RIMBP2: variants seen among roughly 807,000 people sequenced by gnomAD.
RIMBP2 encodes the protein RIMS-binding protein 2.
A neutral mutation model predicts 118.6 loss-of-function variants in RIMBP2; 48 were observed. The observed-to-expected ratio is 0.40, with a 90% CI of 0.32 to 0.51. RIMBP2 has a LOEUF of 0.51. RIMBP2 is among the 20% of genes least tolerant of loss of function. The pLI is 0.41. For missense variants in RIMBP2, 1,551 were observed against 1,768.3 expected (o/e 0.88, Z 2.20); for synonymous variants, 762 against 742.9 (o/e 1.03, Z -0.42).
chr12:130,500,373 G>A (rs574649532), intron 4 of RIMBP2, among the ~76,000 whole-genome samples: 20 of 152,290 alleles, frequency 1.3e-4, no homozygotes, highest in African/African-American at 2.9e-4. Context: ...CAGGAGTATC[G>A]CTTGAACCTG....
intron 2 of RIMBP2, among the ~76,000 whole-genome samples, chr12:130,536,151 T>C (rs1478165371): frequency 6.6e-6 from 1 of 151,962 alleles, no homozygotes; most frequent in Non-Finnish European, 1.5e-5. Flanking sequence ...GGCATTTAAG[T>C]AATAGTGTGG....
At chr12:130,543,425 A>T (rs966628113) in intron 2 of RIMBP2, among the ~76,000 whole-genome samples, 1 of 152,208 alleles carries the variant, frequency 6.6e-6, no homozygotes, top group Admixed American at 6.5e-5. Context: ...GGGAGTTGTC[A>T]TTCTAGTTCA....
chr12:130,442,752 A>T lies in RIMBP2; in HGVS notation c.692-92T>A, dbSNP rs2078233487. ...CTCCCACCTCCCCCACCAGGACCAT[A>T]AGGCAGAGCAACAGGGTTGCCCTGG... is the stretch of plus-strand genomic sequence containing the variant. On this transcript the variant is annotated intron_variant, in intron 10 of 22. Coordinates refer to ENST00000690449, the MANE Select transcript of RIMBP2 (RefSeq NM_001393629.1). The surrounding 1 kb of genome is among the most constrained non-coding windows in gnomAD (Gnocchi z 6.9). The T allele has an allele frequency of 6.4e-6, 7 of 1,089,460 alleles. No individual in the cohort carries two copies. Among genetic ancestry groups the T allele is most frequent in the Non-Finnish European group, 9.2e-6 (7 of 761,128 alleles). The allele number at this position is 1,089,460 out of a possible 1,614,324, so 67.5% of individuals were successfully genotyped here.
At chr12:130,656,376 C>T (rs1015376643) in intron 1 of RIMBP2, among the ~76,000 whole-genome samples, 3 of 152,302 alleles carry the variant, frequency 2.0e-5, no homozygotes, top group African/African-American at 4.8e-5. Context: ...CTCCTGACAG[C>T]GTCATACAGA....
chr12:130,583,462 C>T (rs1364460335), intron 2 of RIMBP2, among the ~76,000 whole-genome samples: 1 of 126,378 alleles, frequency 7.9e-6, no homozygotes, highest in Non-Finnish European at 1.8e-5. Flanking sequence ...ACTATCATGA[C>T]CATTACATCA....
At chr12:130,522,194 A>G (rs2052205194) in intron 2 of RIMBP2, among the ~76,000 whole-genome samples, 1 of 152,258 alleles carries the variant, frequency 6.6e-6, no homozygotes, top group African/African-American at 2.4e-5. Flanking sequence ...GAATAGCCTT[A>G]TTTGATTTTC....
rs1211216342 is a variant in RIMBP2 at position 130,623,151 on chromosome 12, TC to T, written c.-217+5170del. ...ACTATTAAAGACTGAGGTAATTCCATCCTGCATTATTGAATTTAAAAAGCAT... is the reference window on the plus strand; with the variant it reads ...ACTATTAAAGACTGAGGTAATTCCATCTGCATTATTGAATTTAAAAAGCAT... On this transcript the variant is annotated intron_variant, in intron 2 of 22. Coordinates refer to ENST00000690449, the MANE Select transcript of RIMBP2 (RefSeq NM_001393629.1). This position sits in a 1 kb window ranked among gnomAD's most constrained non-coding sequence, Gnocchi z 4.1. 6.6e-6 allele frequency among the ~76,000 whole-genome samples: 1 copy of T among 152,244 alleles called. No individual in the cohort carries two copies. The highest frequency in any genetic ancestry group is 1.5e-5 in the Non-Finnish European group (1 of 68,042).
intron 1 of RIMBP2, among the ~76,000 whole-genome samples, chr12:130,685,129 C>A (rs1483273853): frequency 6.6e-6 from 1 of 152,194 alleles, no homozygotes; most frequent in South Asian, 2.1e-4. Context: ...CCTCTCTTAT[C>A]TCCCCCACAC....
chr12:130,640,420 C>T (rs539773507), intron 1 of RIMBP2, among the ~76,000 whole-genome samples: 60 of 152,168 alleles, frequency 3.9e-4, no homozygotes, highest in Non-Finnish European at 6.8e-4. Flanking sequence ...ATTTTCAAAC[C>T]GAAGTTCAGT....
chr12:130,592,988 C>T (rs1242319605), intron 2 of RIMBP2, among the ~76,000 whole-genome samples: 4 of 152,168 alleles, frequency 2.6e-5, no homozygotes, highest in African/African-American at 7.2e-5. Flanking sequence ...CATCTCACTG[C>T]GTTGCTGAAA....
intron 1 of RIMBP2, among the ~76,000 whole-genome samples, chr12:130,643,231 C>T (rs2062701748): frequency 6.6e-6 from 1 of 152,230 alleles, no homozygotes; most frequent in Non-Finnish European, 1.5e-5. Context: ...ACGCAGGGAG[C>T]TCACACTCGC....
At chr12:130,484,605 A>G (rs1438806288) in intron 4 of RIMBP2, among the ~76,000 whole-genome samples, 2 of 152,200 alleles carry the variant, frequency 1.3e-5, no homozygotes, top group Admixed American at 6.5e-5. Context: ...CTCGGCACAG[A>G]TGCCAAATAA....
intron 1 of RIMBP2, among the ~76,000 whole-genome samples, chr12:130,645,927 T>A (rs1052461223): frequency 6.6e-6 from 1 of 152,162 alleles, no homozygotes; most frequent in African/African-American, 2.4e-5. Flanking sequence ...AGTTACTAAG[T>A]CACTGAATAG....
chr12:130,588,602 G>A (rs529594071), intron 2 of RIMBP2, among the ~76,000 whole-genome samples: 57 of 152,316 alleles, frequency 3.7e-4, no homozygotes, highest in African/African-American at 1.4e-3. Context: ...ACCCACCAGA[G>A]AGGTCCTCAT....
chr12:130,692,557 T>A (rs744169), intron 1 of RIMBP2, among the ~76,000 whole-genome samples: 38,084 of 151,224 alleles, frequency 0.25, 5,191 homozygotes, highest in South Asian at 0.38. Context: ...CCTCCTCCCC[T>A]CTTTCCTGAC....
rs764073414 is a variant in RIMBP2 at position 130,399,760 on chromosome 12, C to T, written c.3819G>A (p.Val1273=). The T allele has an allele frequency of 3.1e-6, 5 of 1,613,982 alleles. No individual in the cohort carries two copies. Among genetic ancestry groups the T allele is most frequent in the South Asian group, 1.1e-5 (1 of 91,088 alleles). ...AAAGATAGACTTCTACGTCATCAGG[C>T]ACTTCTTCCAAGAAGTTTGAGGGCA... ...GLVPSNFLEE[V]PDDVEVYLSD... Residue 1273 remains valine (V), a synonymous_variant, in exon 22 of 23, where the codon GTG becomes GTA. Coordinates refer to ENST00000690449, the MANE Select transcript of RIMBP2 (RefSeq NM_001393629.1).
Position 130,613,280 on chromosome 12 carries a change from C to T in RIMBP2, c.-217+15042G>A, listed in dbSNP as rs112384446. 9.2e-3 allele frequency among the ~76,000 whole-genome samples: 1,402 copies of T among 152,292 alleles called. 17 individuals are homozygous for T. Among genetic ancestry groups the T allele is most frequent in the African/African-American group, 0.028 (1,174 of 41,576 alleles). The stretch of plus-strand genomic sequence containing the variant: ...CCAGGTACTCCAATTGTGGGAGCTG[C>T]GACCGCCCCGCCAGAGGGCCAGTGG... On this transcript the variant is annotated intron_variant, in intron 2 of 22. Transcript: ENST00000690449.
chr12:130,644,690 C>T (rs1168234791), intron 1 of RIMBP2, among the ~76,000 whole-genome samples: 7 of 152,304 alleles, frequency 4.6e-5, no homozygotes, highest in South Asian at 2.1e-4. Flanking sequence ...GCAAGGCTAG[C>T]GAGTGACGTC....
chr12:130,598,660 G>A (rs191229313), intron 2 of RIMBP2, among the ~76,000 whole-genome samples: 210 of 151,934 alleles, frequency 1.4e-3, no homozygotes, highest in South Asian at 4.2e-4. Context: ...CCCGGGAGGC[G>A]GAGCTTGCAG....
Sources: allele counts gnomAD v4.1 joint callset (sites outside exome capture counted in the v4.1 genomes callset), GRCh38; gene constraint gnomAD v4.1.1; non-coding constraint Gnocchi (gnomAD v3.1); transcripts MANE v1.5; gene names NCBI Gene and HGNC (gene_info 2026-07-23, HGNC 2026-07-21).